DLG2: variants seen among roughly 807,000 people sequenced by gnomAD.
DLG2 encodes disks large homolog 2.
DLG2 carries 45 observed loss-of-function variants against 132.5 expected under a neutral mutation model. The ratio of observed to expected loss-of-function variants is 0.34; its 90% CI spans 0.27 to 0.44. DLG2 has a LOEUF of 0.44. Ranked by LOEUF, DLG2 falls within the 20% of genes least tolerant of loss-of-function variation. The probability of loss-of-function intolerance (pLI) is 1.00; values close to 1 mark genes in which losing one functional copy is unlikely to be tolerated. For synonymous variants in DLG2, 424 were observed against 419.6 expected (o/e 1.01, Z -0.13); for missense variants, 1,045 against 1,196.9 (o/e 0.87, Z 1.87).
chr11:85,069,971 C>T (rs2065560157), intron 6 of DLG2, among the ~76,000 whole-genome samples: 1 of 151,860 alleles, frequency 6.6e-6, no homozygotes, highest in Admixed American at 6.6e-5. Context: ...TACTATGCAG[C>T]CATAAAAAAT....
At chr11:84,502,373 T>C (rs542772749) in intron 7 of DLG2, among the ~76,000 whole-genome samples, 1 of 90,968 alleles carries the variant, frequency 1.1e-5, no homozygotes, top group Non-Finnish European at 2.0e-5. Context: ...TTTCTTTCTT[T>C]CTTTCTTTCT....
intron 15 of DLG2, among the ~76,000 whole-genome samples, chr11:83,915,986 C>T (rs1324577096): frequency 6.6e-6 from 1 of 152,196 alleles, no homozygotes; most frequent in Non-Finnish European, 1.5e-5. Context: ...GAAATGGAAT[C>T]ATGCAAGGTG....
intron 3 of DLG2, among the ~76,000 whole-genome samples, chr11:85,569,287 T>G (rs1391382969): frequency 6.6e-6 from 1 of 152,026 alleles, no homozygotes; most frequent in Non-Finnish European, 1.5e-5. Flanking sequence ...CCTACTCGGC[T>G]TCTCAAAGTG....
intron 8 of DLG2, among the ~76,000 whole-genome samples, chr11:84,221,603 A>T (rs1156323111): frequency 1.3e-5 from 2 of 152,204 alleles, no homozygotes; most frequent in African/African-American, 2.4e-5. Flanking sequence ...GCCCAGTTTA[A>T]GTCACCTGTA....
intron 18 of DLG2, among the ~76,000 whole-genome samples, chr11:83,664,042 TA>T (rs2074978626): frequency 6.6e-6 from 1 of 152,220 alleles, no homozygotes; most frequent in South Asian, 2.1e-4. Context: ...TTTTCATTTA[TA>T]TAATGGTAGA....
At chr11:84,502,770 T>C (rs916502361) in intron 7 of DLG2, among the ~76,000 whole-genome samples, 2 of 152,054 alleles carry the variant, frequency 1.3e-5, no homozygotes, top group African/African-American at 4.8e-5. Flanking sequence ...GGTCTACAGA[T>C]TATCCAGCCC....
chr11:84,023,013 CA>C (rs1286514157), intron 11 of DLG2, among the ~76,000 whole-genome samples: 6 of 151,372 alleles, frequency 4.0e-5, no homozygotes, highest in South Asian at 2.1e-4. Context: ...CAGTAGGATA[CA>C]AAAAAAATGG....
chr11:84,968,561 C>G (rs1210356420), intron 6 of DLG2, among the ~76,000 whole-genome samples: 5 of 152,086 alleles, frequency 3.3e-5, no homozygotes, highest in Admixed American at 6.6e-5. Flanking sequence ...ATTTTAGTTT[C>G]TGTACTTCTG....
chr11:84,003,300 C>G (rs2154050800), intron 11 of DLG2, among the ~76,000 whole-genome samples: 1 of 152,300 alleles, frequency 6.6e-6, no homozygotes, highest in South Asian at 2.1e-4. Flanking sequence ...GCCCTCAAAA[C>G]TTTTCCAACC....
At chr11:85,282,553 A>T (rs1001421099) in intron 4 of DLG2, among the ~76,000 whole-genome samples, 1 of 151,930 alleles carries the variant, frequency 6.6e-6, no homozygotes, top group African/African-American at 2.4e-5. Flanking sequence ...AATTGCTAAC[A>T]TCAGTTACCT....
intron 22 of DLG2, among the ~76,000 whole-genome samples, 188 bp from the exon 23 acceptor site, chr11:83,472,965 C>T (rs1383716429): frequency 6.6e-6 from 1 of 152,086 alleles, no homozygotes; most frequent in East Asian, 1.9e-4. Flanking sequence ...CAGATTTTCA[C>T]AGTCATAACT....
intron 6 of DLG2, among the ~76,000 whole-genome samples, chr11:85,000,416 T>A (rs1011990926): frequency 2.6e-5 from 4 of 152,178 alleles, no homozygotes; most frequent in African/African-American, 9.7e-5. Context: ...TTTAAGGCCT[T>A]ATTTTTTTAA....
intron 6 of DLG2, among the ~76,000 whole-genome samples, chr11:84,769,253 CT>C (rs2068887474): frequency 6.6e-6 from 1 of 152,052 alleles, no homozygotes; most frequent in Non-Finnish European, 1.5e-5. Context: ...CTAAAGCAAT[CT>C]GGAAAATTAA....
At chr11:83,568,590 G>T (rs1037728551) in intron 19 of DLG2, among the ~76,000 whole-genome samples, 3 of 152,248 alleles carry the variant, frequency 2.0e-5, no homozygotes, top group South Asian at 2.1e-4. Flanking sequence ...ACATTTTAGA[G>T]GAAGAGGGAA....
intron 12 of DLG2, among the ~76,000 whole-genome samples, chr11:83,979,339 G>T (rs974039472): frequency 6.6e-6 from 1 of 152,106 alleles, no homozygotes; most frequent in Non-Finnish European, 1.5e-5. Flanking sequence ...AAAATTGTTG[G>T]AGATAATGGC....
chr11:83,507,987 C>G (rs1013074009), intron 21 of DLG2, among the ~76,000 whole-genome samples: 1 of 151,504 alleles, frequency 6.6e-6, no homozygotes, highest in Non-Finnish European at 1.5e-5. Flanking sequence ...CCAGTCTAGT[C>G]TTTTCACATT....
upstream of DLG2, chr11:85,627,588 G>A (rs1427918245): frequency 6.6e-6 from 1 of 152,192 alleles, no homozygotes; most frequent in African/African-American, 2.4e-5. Context: ...AGACATGTAA[G>A]CATAAGCTAT....
chr11:85,302,019 A>G (rs1425011027), intron 3 of DLG2, among the ~76,000 whole-genome samples: 1 of 152,194 alleles, frequency 6.6e-6, no homozygotes, highest in Non-Finnish European at 1.5e-5. Flanking sequence ...ACTCAGCACA[A>G]AATTATCTTA....
At chr11:84,910,654 T>C (rs1022133019) in intron 6 of DLG2, among the ~76,000 whole-genome samples, 4 of 152,198 alleles carry the variant, frequency 2.6e-5, no homozygotes, top group African/African-American at 9.7e-5. Context: ...GGCTCACGCC[T>C]ATAATCCCAG....
Sources: allele counts gnomAD v4.1 joint callset (sites outside exome capture counted in the v4.1 genomes callset), GRCh38; gene constraint gnomAD v4.1.1; transcripts MANE v1.5; gene names NCBI Gene and HGNC (gene_info 2026-07-23, HGNC 2026-07-21).